Variants in SUGCT observed in about 807,000 individuals in gnomAD.
The protein encoded by SUGCT is succinyl-CoA:glutarate CoA-transferase.
SUGCT carries 41 observed loss-of-function variants against 55.0 expected under a neutral mutation model. That is an observed-to-expected ratio of 0.74 (90% CI 0.58 to 0.97). The LOEUF (loss-of-function observed/expected upper bound fraction) is 0.97. SUGCT is among the 50% of genes least tolerant of loss of function. The probability of loss-of-function intolerance (pLI) is 0.00; values close to 1 mark genes in which losing one functional copy is unlikely to be tolerated. For synonymous variants in SUGCT, 187 were observed against 200.4 expected, an observed-to-expected ratio of 0.93 and a Z score of 0.56; for missense variants, 568 against 547.8, an observed-to-expected ratio of 1.04 and a Z score of -0.37.
chr7:40,224,770 C>T (rs79017702), intron 6 of SUGCT, among the ~76,000 whole-genome samples: 2,660 of 152,228 alleles, frequency 0.017, 72 homozygotes, highest in African/African-American at 0.062. Flanking sequence ...TCCCAGTGTT[C>T]CAGCTATTCA....
the SUGCT span, among the ~76,000 whole-genome samples, chr7:40,909,429 G>A: frequency 2.0e-5 from 3 of 152,160 alleles, no homozygotes; most frequent in Admixed American, 2.0e-4. Context: ...CTGCTCATGG[G>A]CTGTGGGCCA....
chr7:40,749,541 A>G, intron 13 of SUGCT, 44 bp downstream of exon 13: 1 of 1,462,580 alleles, frequency 6.8e-7, no homozygotes, highest in Non-Finnish European at 9.6e-7. Context: ...TTCTTTATTA[A>G]TTGTCCCATA....
At chr7:40,723,210 T>C (rs1361197442) in intron 12 of SUGCT, among the ~76,000 whole-genome samples, 1 of 152,088 alleles carries the variant, frequency 6.6e-6, no homozygotes, top group Non-Finnish European at 1.5e-5. Flanking sequence ...TCTCCAATTT[T>C]AGCAGGAGGT....
At chr7:40,454,632 T>C (rs530530692) in intron 10 of SUGCT, among the ~76,000 whole-genome samples, 1 of 152,088 alleles carries the variant, frequency 6.6e-6, no homozygotes, top group East Asian at 1.9e-4. Context: ...AAATGTATTA[T>C]CCATGGGGAA....
chr7:40,738,937 A>G (rs1353432703), intron 12 of SUGCT, among the ~76,000 whole-genome samples: 2 of 152,198 alleles, frequency 1.3e-5, no homozygotes, highest in Non-Finnish European at 2.9e-5. Flanking sequence ...TTTTCTACTA[A>G]AACTCTATTC....
At chr7:41,035,086 C>G in the SUGCT span, among the ~76,000 whole-genome samples, 2 of 152,214 alleles carry the variant, frequency 1.3e-5, no homozygotes, top group South Asian at 4.1e-4. Flanking sequence ...CCTGCTAACT[C>G]AGTCTATTCC....
chr7:40,180,820 G>T, intron 1 of SUGCT, 127 bp from the exon 2 acceptor site: 1 of 711,620 alleles, frequency 1.4e-6, no homozygotes, highest in South Asian at 1.8e-5. Flanking sequence ...GAGTCTTGTG[G>T]TCTGTGGACT....
intron 9 of SUGCT, among the ~76,000 whole-genome samples, chr7:40,331,997 A>G (rs1796334748): frequency 2.0e-5 from 3 of 152,248 alleles, no homozygotes; most frequent in Non-Finnish European, 2.9e-5. Context: ...ACAAACTCTT[A>G]GAAGCAAACT....
intron 8 of SUGCT, among the ~76,000 whole-genome samples, chr7:40,313,238 T>C (rs943810724): frequency 6.6e-6 from 1 of 152,220 alleles, no homozygotes; most frequent in African/African-American, 2.4e-5. Flanking sequence ...TTATATAGCG[T>C]CCACTTGATG....
intron 6 of SUGCT, among the ~76,000 whole-genome samples, chr7:40,219,005 A>G (rs1036304380): frequency 6.6e-6 from 1 of 151,232 alleles, no homozygotes; most frequent in African/African-American, 2.4e-5. Flanking sequence ...GCTACTACTC[A>G]CTCTTTGGGT....
chr7:40,675,888 AC>A (rs1783950993), intron 12 of SUGCT, among the ~76,000 whole-genome samples: 1 of 152,230 alleles, frequency 6.6e-6, no homozygotes, highest in Non-Finnish European at 1.5e-5. Flanking sequence ...TCTTTGAACA[AC>A]AGTGGAGAAA....
At position 40,139,164 on chromosome 7, in the gene SUGCT, A is replaced by AATC. The variant is rs1562788664; in HGVS notation, c.100+4045_100+4046insTCA. Among the ~76,000 whole-genome samples the AATC allele has an allele frequency of 1.0e-3, 157 of 150,308 alleles. 1 individual carries two copies. The highest frequency in any genetic ancestry group is 3.7e-3 in the African/African-American group (148 of 40,362). ...TAAATAAATAAATAAATAAATAAATAAATAAATAAATAAATCCAGGATTCA... is the reference window on the plus strand; with the variant it reads ...TAAATAAATAAATAAATAAATAAATAATCAATAAATAAATAAATCCAGGATTCA... On this transcript the variant is annotated intron_variant, in intron 1 of 13. Transcript: ENST00000335693.
intron 6 of SUGCT, among the ~76,000 whole-genome samples, chr7:40,237,020 A>G (rs761858442): frequency 6.6e-6 from 1 of 151,866 alleles, no homozygotes; most frequent in Non-Finnish European, 1.5e-5. Context: ...TTTAGTAGAG[A>G]TGGGGTTTCA....
intron 9 of SUGCT, among the ~76,000 whole-genome samples, chr7:40,366,486 A>C (rs1345940365): frequency 6.6e-6 from 1 of 152,146 alleles, no homozygotes; most frequent in East Asian, 1.9e-4. Flanking sequence ...CAACCTACAA[A>C]ATGGGAGAAA....
intron 10 of SUGCT, among the ~76,000 whole-genome samples, chr7:40,450,879 G>A (rs1583709881): frequency 6.6e-6 from 1 of 152,138 alleles, no homozygotes; most frequent in Admixed American, 6.5e-5. Flanking sequence ...TGAGAAGGTA[G>A]GGAGCAGAGC....
At chr7:40,439,070 A>ATATGTGTGTGTGTATG (rs1554338605) in intron 9 of SUGCT, among the ~76,000 whole-genome samples, 1 of 52,480 alleles carries the variant, frequency 1.9e-5, no homozygotes, top group African/African-American at 9.0e-5. Flanking sequence ...TGGTGTATAT[A>ATATGTGTGTGTGTATG]TATATATATA....
chr7:40,527,861 A>G (rs1285333359), intron 12 of SUGCT, among the ~76,000 whole-genome samples: 1 of 152,234 alleles, frequency 6.6e-6, no homozygotes, highest in Non-Finnish European at 1.5e-5. Context: ...AACTCTAAAT[A>G]TGGAATCTCA....
intron 12 of SUGCT, among the ~76,000 whole-genome samples, chr7:40,624,694 G>C (rs1402119066): frequency 6.6e-6 from 1 of 151,422 alleles, no homozygotes. Flanking sequence ...TTGGATAAAA[G>C]GAAAGTCGGG....
intron 13 of SUGCT, chr7:40,793,337 T>G (rs1451015431): frequency 6.6e-6 from 1 of 152,160 alleles, no homozygotes; most frequent in Non-Finnish European, 1.5e-5. Context: ...AATGACATTC[T>G]TTCTCTAGTT....
Sources: gnomAD v4.1 joint callset for allele counts (sites outside exome capture counted in the v4.1 genomes callset) on GRCh38, gnomAD v4.1.1 for gene constraint, MANE v1.5 for transcripts, NCBI Gene and HGNC (gene_info 2026-07-23, HGNC 2026-07-21) for gene names.